Variants in ULK4 observed in about 807,000 individuals in gnomAD.
ULK4 encodes unc-51 like kinase 4.
Under a neutral mutation model 160.6 loss-of-function variants are expected in ULK4, and 133 were observed. That is an observed-to-expected ratio of 0.83 (90% confidence interval 0.72 to 0.96). The LOEUF (loss-of-function observed/expected upper bound fraction) is 0.96, where lower values mean the gene tolerates loss of function less well. ULK4 is among the 40% of genes least tolerant of loss of function. The pLI is 0.00. For missense variants in ULK4, 1,580 were observed against 1,499.5 expected, an observed-to-expected ratio of 1.05 and a Z score of -0.89; for synonymous variants, 534 against 539.8, an observed-to-expected ratio of 0.99 and a Z score of 0.15.
At chr3:41,573,769 A>G (rs1158930214) in intron 31 of ULK4, among the ~76,000 whole-genome samples, 3 of 152,248 alleles carry the variant, frequency 2.0e-5, no homozygotes, top group African/African-American at 7.2e-5. Context: ...CACTCCATGT[A>G]CAATGGCGCC....
chr3:41,741,722 A>G (rs1170265357), intron 22 of ULK4, among the ~76,000 whole-genome samples: 2 of 151,972 alleles, frequency 1.3e-5, no homozygotes, highest in Admixed American at 6.6e-5. Context: ...GTCACTGTGA[A>G]AAGTAGCTCT....
At chr3:41,526,055 T>G (rs540945718) in intron 32 of ULK4, among the ~76,000 whole-genome samples, 152 of 152,222 alleles carry the variant, frequency 1.0e-3, no homozygotes, top group Non-Finnish European at 1.7e-3. Context: ...TTCCATGTCT[T>G]CCTAAGCTCC....
chr3:41,568,860 T>TCC (rs1383298884), intron 31 of ULK4, among the ~76,000 whole-genome samples: 1 of 152,172 alleles, frequency 6.6e-6, no homozygotes, highest in Non-Finnish European at 1.5e-5. Flanking sequence ...GGCTACACCC[T>TCC]CCTTCCCACT....
At chr3:41,701,863 C>T (rs2036685267) in intron 27 of ULK4, among the ~76,000 whole-genome samples, 1 of 151,760 alleles carries the variant, frequency 6.6e-6, no homozygotes, top group Non-Finnish European at 1.5e-5. Flanking sequence ...GCTTTTAATA[C>T]ATTAATAGGC....
At chr3:41,636,596 ATTG>A (rs1312137283) in intron 30 of ULK4, among the ~76,000 whole-genome samples, 3 of 151,602 alleles carry the variant, frequency 2.0e-5, no homozygotes, top group Non-Finnish European at 4.4e-5. Context: ...TACTATTTTT[ATTG>A]TTGTTTTTTT....
chr3:41,567,418 T>C (rs1180520871), intron 31 of ULK4, among the ~76,000 whole-genome samples: 1 of 149,630 alleles, frequency 6.7e-6, no homozygotes, highest in African/African-American at 2.4e-5. Flanking sequence ...AGGATAAGAC[T>C]CATTGAGAAG....
rs1170201981 is a variant in ULK4, at chr3:41,317,061, C to CTTTTTTT, written c.3679-67488_3679-67487insAAAAAAA. Among the ~76,000 whole-genome samples, 236 of 91,960 alleles carry CTTTTTTT rather than the reference C, an allele frequency of 2.6e-3. 1 individual carries two copies. Among genetic ancestry groups the CTTTTTTT allele is most frequent in the African/African-American group, 5.2e-3 (108 of 20,694 alleles). 60.3% of individuals were successfully genotyped at this position (91,960 alleles called of 152,430 possible). A position where few individuals can be genotyped will look rare whatever the true frequency, so the allele number is the denominator to read the frequency against. ...TTTGATGTAAAATAGGCAATTACAT[C>CTTTTTTT]TATTTTTTTTTTTTTTTTTTTTTTT... is the stretch of plus-strand genomic sequence containing the variant. On this transcript the variant is annotated intron_variant, in intron 35 of 36. Transcript: ENST00000301831.
intron 32 of ULK4, among the ~76,000 whole-genome samples, chr3:41,509,989 G>A (rs1455761268): frequency 1.3e-5 from 2 of 152,150 alleles, no homozygotes; most frequent in Admixed American, 6.5e-5. Context: ...CAGTACTAAC[G>A]TTGAATGTGA....
At chr3:41,594,226 T>C (rs980254077) in intron 31 of ULK4, among the ~76,000 whole-genome samples, 11 of 152,168 alleles carry the variant, frequency 7.2e-5, no homozygotes, top group Admixed American at 2.0e-4. Context: ...TGCTTACTTA[T>C]ACACACAAGA....
At chr3:41,289,196 T>C (rs1345492914) in intron 35 of ULK4, among the ~76,000 whole-genome samples, 1 of 152,246 alleles carries the variant, frequency 6.6e-6, no homozygotes, top group African/African-American at 2.4e-5. Context: ...ATGGCAATTA[T>C]AAACCACATG....
chr3:41,247,427 T>C (rs2078665598), intron 36 of ULK4, among the ~76,000 whole-genome samples: 1 of 152,332 alleles, frequency 6.6e-6, no homozygotes, highest in African/African-American at 2.4e-5. Context: ...TAGGTGTGGA[T>C]GTGCAATTAA....
intron 30 of ULK4, among the ~76,000 whole-genome samples, chr3:41,631,201 C>T (rs1434230541): frequency 3.9e-5 from 6 of 152,110 alleles, no homozygotes; most frequent in Admixed American, 6.5e-5. Context: ...CATTAAGGTA[C>T]ATATATAGGG....
At chr3:41,251,294 C>T (rs1354650150) in intron 35 of ULK4, among the ~76,000 whole-genome samples, 1 of 152,160 alleles carries the variant, frequency 6.6e-6, no homozygotes, top group Non-Finnish European at 1.5e-5. Context: ...AGCTGTTGTT[C>T]TGTATATAAG....
At chr3:41,771,384 C>A (rs2039367228) in intron 21 of ULK4, among the ~76,000 whole-genome samples, 1 of 151,912 alleles carries the variant, frequency 6.6e-6, no homozygotes. Flanking sequence ...TTTTTGTAAT[C>A]AAATACATTT....
intron 30 of ULK4, among the ~76,000 whole-genome samples, chr3:41,632,224 G>C (rs1364027540): frequency 6.6e-6 from 1 of 152,174 alleles, no homozygotes; most frequent in African/African-American, 2.4e-5. Context: ...CAGTGGCAGA[G>C]ACCAAAGGCA....
intron 8 of ULK4, among the ~76,000 whole-genome samples, chr3:41,915,738 T>G (rs1348732460): frequency 6.6e-6 from 1 of 152,164 alleles, no homozygotes; most frequent in Non-Finnish European, 1.5e-5. Context: ...GAAACTGACT[T>G]CAAAAATTCC....
At chr3:41,918,676 A>G in intron 6 of ULK4, 136 bp from the exon 7 acceptor site, 1 of 449,916 alleles carries the variant, frequency 2.2e-6, no homozygotes, top group Non-Finnish European at 3.7e-6. Flanking sequence ...ATCTCGGCTC[A>G]CTGCACACTC....
At chr3:41,432,905 T>C (rs761227894) in intron 34 of ULK4, among the ~76,000 whole-genome samples, 21 of 149,858 alleles carry the variant, frequency 1.4e-4, no homozygotes, top group Admixed American at 5.3e-4. Flanking sequence ...AAAAAAACCA[T>C]GGAAGTAGTA....
intron 31 of ULK4, among the ~76,000 whole-genome samples, chr3:41,590,651 C>CA (rs939127525): frequency 1.3e-5 from 2 of 150,172 alleles, no homozygotes; most frequent in East Asian, 2.0e-4. Context: ...AACAAACAAA[C>CA]AAAAAAACAA....
Sources: gnomAD v4.1 joint callset for allele counts (sites outside exome capture counted in the v4.1 genomes callset) on GRCh38, gnomAD v4.1.1 for gene constraint, MANE v1.5 for transcripts, NCBI Gene and HGNC (gene_info 2026-07-23, HGNC 2026-07-21) for gene names.